FBN1: variants seen among roughly 807,000 people sequenced by gnomAD.
The protein encoded by FBN1 is fibrillin-1.
Under a neutral mutation model 365.1 loss-of-function variants are expected in FBN1, and 29 were observed. The ratio of observed to expected loss-of-function variants is 0.08; its 90% confidence interval spans 0.06 to 0.11. The LOEUF (loss-of-function observed/expected upper bound fraction) is 0.11, where lower values mean the gene tolerates loss of function less well. Among genes scored for constraint, FBN1 ranks in the 10% least tolerant of loss-of-function variants. The pLI is 1.00. For missense variants in FBN1, 2,476 were observed against 3,703.2 expected, an observed-to-expected ratio of 0.67 and a Z score of 8.60; for synonymous variants, 1,210 against 1,270.5, an observed-to-expected ratio of 0.95 and a Z score of 1.01.
rs193922180 is a variant in FBN1 at position 48,613,123 on chromosome 15, TA to T, written c.165-32del. 1.6e-5 allele frequency: 24 copies of T among 1,520,906 alleles called. No individual in the cohort carries two copies. The highest frequency in any genetic ancestry group is 3.4e-5 in the Admixed American group (2 of 59,628). 94.2% of individuals were successfully genotyped at this position (1,520,906 alleles called of 1,614,324 possible). ...ACAAAAACAGAAGAATTCCATACTT[TA>T]AAAAAAAGAAGAAGAGGAAGAGATG... On this transcript the variant is annotated intron_variant, in intron 2 of 65. Transcript: ENST00000316623.
chr15:48,417,430 C>T (rs915962623), intron 63 of FBN1, among the ~76,000 whole-genome samples: 6 of 118,086 alleles, frequency 5.1e-5, no homozygotes, highest in Non-Finnish European at 1.0e-4. Context: ...TCCTTCCCCC[C>T]TCCCCTCCCC....
chr15:48,456,037 C>T (rs1456628922), intron 44 of FBN1, among the ~76,000 whole-genome samples: 1 of 152,116 alleles, frequency 6.6e-6, no homozygotes, highest in Non-Finnish European at 1.5e-5. Context: ...AGAGAACTAT[C>T]TTTCCCAGAT....
intron 40 of FBN1, 75 bp from the exon 41 acceptor site, chr15:48,464,096 T>C: frequency 2.1e-6 from 3 of 1,427,766 alleles, no homozygotes; most frequent in Non-Finnish European, 3.0e-6. Flanking sequence ...TTAATGAATG[T>C]TGACATTAGA....
rs35055998 is a variant in FBN1, at chr15:48,626,256, CAA to C, written c.165-13166_165-13165del. On this transcript the variant is annotated intron_variant, in intron 2 of 65. Transcript: ENST00000316623. ...TGGGTGACAGAGCAAGACCCTGTCT[CAA>C]AAAAAAAAAAAAAATGAAAAGTATA... Among the ~76,000 whole-genome samples, 297 of 88,894 alleles carry C rather than the reference CAA, an allele frequency of 3.3e-3. 1 individual carries two copies. Among genetic ancestry groups the C allele is most frequent in the South Asian group, 0.011 (31 of 2,752 alleles). 58.3% of individuals were successfully genotyped at this position (88,894 alleles called of 152,430 possible).
rs200283837 is a variant in FBN1 at position 48,483,859 on chromosome 15, T to A, written c.3797A>T (p.Tyr1266Phe). Reference sequence around the variant, plus strand: ...GTCTTCAGATGCCATGAATCCATCATAACACAAGCACCTGTACTCTCCAGG... The same window carrying A: ...GTCTTCAGATGCCATGAATCCATCAAAACACAAGCACCTGTACTCTCCAGG... ...NIPGEYRCLCYDGFMASEDMK... is the reference protein window; with the variant it reads ...NIPGEYRCLCFDGFMASEDMK... Residue 1266 changes from tyrosine to phenylalanine, a missense_variant, in exon 31 of 66, where the codon TAT (tyrosine) becomes TTT (phenylalanine). Around this residue, in one of 5 missense-constraint regions of FBN1, gnomAD observed 1,780 missense variants for 2,840.8 expected, o/e 0.63. Coordinates refer to ENST00000316623, the MANE Select transcript of FBN1 (RefSeq NM_000138.5). The A allele has an allele frequency of 4.0e-5, 65 of 1,613,706 alleles. No individual in the cohort carries two copies. In the Middle Eastern group the frequency reaches 4.9e-4, roughly 12 times the overall value.
chr15:48,594,464 T>A (rs1292917995), intron 6 of FBN1, among the ~76,000 whole-genome samples: 4 of 152,176 alleles, frequency 2.6e-5, no homozygotes, highest in Non-Finnish European at 5.9e-5. Context: ...TAGTGCAGAT[T>A]TCAGGATAGC....
intron 6 of FBN1, among the ~76,000 whole-genome samples, chr15:48,591,742 C>T (rs1818275): frequency 0.92 from 138,890 of 151,120 alleles, 63,831 homozygotes; most frequent in East Asian, 1. Context: ...GTGAGGTCTT[C>T]AGAGTTACGA....
chr15:48,518,413 G>T (rs1045194628), intron 10 of FBN1, among the ~76,000 whole-genome samples: 11 of 152,206 alleles, frequency 7.2e-5, no homozygotes, highest in Non-Finnish European at 1.2e-4. Flanking sequence ...TTAAATGACA[G>T]TTACATTAAG....
At chr15:48,511,411 A>C (rs1438004915) in intron 13 of FBN1, among the ~76,000 whole-genome samples, 1 of 151,600 alleles carries the variant, frequency 6.6e-6, no homozygotes, top group Non-Finnish European at 1.5e-5. Flanking sequence ...AAAACCACAT[A>C]TTCTTGAGCA....
At chr15:48,548,010 C>A (rs1014876705) in intron 6 of FBN1, among the ~76,000 whole-genome samples, 6 of 152,194 alleles carry the variant, frequency 3.9e-5, no homozygotes, top group African/African-American at 1.4e-4. Flanking sequence ...GAGGCAGCAG[C>A]ACCAAAACCC....
chr15:48,418,714 A>G (rs1303145627), intron 63 of FBN1, among the ~76,000 whole-genome samples: 2 of 152,228 alleles, frequency 1.3e-5, no homozygotes, highest in Non-Finnish European at 2.9e-5. Flanking sequence ...TTTTATAAAA[A>G]GAGACAATTC....
At chr15:48,567,439 T>C (rs1053518209) in intron 6 of FBN1, among the ~76,000 whole-genome samples, 2 of 152,000 alleles carry the variant, frequency 1.3e-5, no homozygotes, top group Non-Finnish European at 2.9e-5. Context: ...TTAAAAAAAA[T>C]AAATTGGCTC....
At chr15:48,538,601 C>CAG (rs890559280) in intron 6 of FBN1, among the ~76,000 whole-genome samples, 1 of 150,452 alleles carries the variant, frequency 6.6e-6, no homozygotes, top group East Asian at 1.9e-4. Flanking sequence ...TTTTTTCCTA[C>CAG]AGAGAGAGAG....
chr15:48,530,628 G>T (rs560146008), intron 8 of FBN1, among the ~76,000 whole-genome samples: 59 of 151,886 alleles, frequency 3.9e-4, no homozygotes, highest in African/African-American at 1.4e-3. Flanking sequence ...TCTAGGGCCT[G>T]CAAACAGCTG....
intron 6 of FBN1, among the ~76,000 whole-genome samples, chr15:48,581,432 G>A (rs936324199): frequency 6.6e-6 from 1 of 152,168 alleles, no homozygotes; most frequent in Non-Finnish European, 1.5e-5. Flanking sequence ...CACAGCAGCA[G>A]TTCATTCATT....
intron 6 of FBN1, among the ~76,000 whole-genome samples, chr15:48,571,015 A>C (rs943879802): frequency 6.6e-5 from 10 of 152,246 alleles, no homozygotes; most frequent in Admixed American, 1.3e-4. Flanking sequence ...CAAGCCCCAG[A>C]GAAAGGCCAA....
chr15:48,421,765 G>A, intron 61 of FBN1, 79 bp from the exon 62 acceptor site: 1 of 1,548,348 alleles, frequency 6.5e-7, no homozygotes, highest in Non-Finnish European at 8.8e-7. Context: ...AAATTAGAAG[G>A]ATAACTCGGA....
chr15:48,623,846 A>G (rs1031056573), intron 2 of FBN1, among the ~76,000 whole-genome samples: 4 of 152,248 alleles, frequency 2.6e-5, no homozygotes, highest in Middle Eastern at 6.8e-3. Flanking sequence ...TGTGTTGATC[A>G]AAAGCAATAG....
At chr15:48,468,988 A>G (rs1008908551) in intron 36 of FBN1, among the ~76,000 whole-genome samples, 2 of 151,164 alleles carry the variant, frequency 1.3e-5, no homozygotes, top group African/African-American at 4.9e-5. Flanking sequence ...GAATGGCATG[A>G]ACCTGGGAGG....
Sources: allele counts gnomAD v4.1 joint callset (sites outside exome capture counted in the v4.1 genomes callset), GRCh38; gene constraint gnomAD v4.1.1; regional missense constraint gnomAD v4.1.1; transcripts MANE v1.5; gene names NCBI Gene and HGNC (gene_info 2026-07-23, HGNC 2026-07-21).